RORA: variants seen among roughly 807,000 people sequenced by gnomAD.
RORA encodes the protein RAR related orphan receptor A.
RORA carries 7 observed loss-of-function variants against 69.5 expected under a neutral mutation model. The ratio of observed to expected loss-of-function variants is 0.10; its 90% CI spans 0.06 to 0.19. The LOEUF (loss-of-function observed/expected upper bound fraction) is 0.19, where lower values mean the gene tolerates loss of function less well. RORA is among the 10% of genes least tolerant of loss of function. The pLI, the probability that RORA is intolerant of heterozygous loss-of-function variation, is 1.00. For synonymous variants in RORA, 261 were observed against 240.8 expected, an observed-to-expected ratio of 1.08 and a Z score of -0.78; for missense variants, 457 against 663.0, an observed-to-expected ratio of 0.69 and a Z score of 3.41.
At chr15:60,558,313 CG>C (rs2067430569) in intron 2 of RORA, 2 of 1,598,822 alleles carry the variant, frequency 1.3e-6, no homozygotes, top group African/African-American at 2.7e-5. Flanking sequence ...ATCCCTGGAA[CG>C]AAAATGATAG....
chr15:61,186,836 C>A (rs2079748168), intron 1 of RORA, among the ~76,000 whole-genome samples: 1 of 152,162 alleles, frequency 6.6e-6, no homozygotes, highest in African/African-American at 2.4e-5. Context: ...GCCCTGCTTG[C>A]CCTTCGGGCT....
chr15:60,762,419 T>A (rs1316034770), intron 1 of RORA, among the ~76,000 whole-genome samples: 1 of 152,186 alleles, frequency 6.6e-6, no homozygotes, highest in Admixed American at 6.5e-5. Context: ...TGTGCTGTAT[T>A]TCTATCAAAC....
intron 1 of RORA, among the ~76,000 whole-genome samples, chr15:61,202,101 A>G (rs1050081795): frequency 4.6e-5 from 7 of 150,548 alleles, no homozygotes; most frequent in Non-Finnish European, 1.5e-5. Flanking sequence ...TCCGCCTCCC[A>G]GGTTCAAGCG....
In RORA at chr15:61,132,535, A is replaced by T. The variant is rs2079200119; in HGVS notation, c.166+96518T>A. Among the ~76,000 whole-genome samples, 4 of 152,350 alleles carry T rather than the reference A, an allele frequency of 2.6e-5. No individual in the cohort carries two copies. In the South Asian group the frequency reaches 8.3e-4, roughly 32 times the overall value. On this transcript the variant is annotated intron_variant, in intron 1 of 10. Transcript: ENST00000335670. ...ATAGTAATCACAAGATACTTTAATA[A>T]GTAAGGTCAAAAGATAAATAATGAA...
chr15:61,080,117 G>A (rs184167163), intron 1 of RORA, among the ~76,000 whole-genome samples: 8 of 152,314 alleles, frequency 5.3e-5, no homozygotes, highest in African/African-American at 1.9e-4. Context: ...AAGCTGTTGA[G>A]TTATTCAGAG....
chr15:61,167,525 G>C (rs1477149553), intron 1 of RORA, among the ~76,000 whole-genome samples: 1 of 104,886 alleles, frequency 9.5e-6, no homozygotes, highest in Non-Finnish European at 1.8e-5. Flanking sequence ...TTTTTTTTAT[G>C]AAGAAATTTC....
chr15:60,786,646 C>T (rs1042911248), intron 1 of RORA, among the ~76,000 whole-genome samples: 1 of 152,216 alleles, frequency 6.6e-6, no homozygotes, highest in Non-Finnish European at 1.5e-5. Flanking sequence ...TCGTGATGCA[C>T]AGAGACCCAG....
At chr15:60,720,324 C>T (rs992430293) in intron 1 of RORA, among the ~76,000 whole-genome samples, 6 of 152,162 alleles carry the variant, frequency 3.9e-5, no homozygotes, top group African/African-American at 1.2e-4. Flanking sequence ...GACGGCAAGA[C>T]GGCATGCGAG....
chr15:61,051,181 G>T (rs1476898900), intron 1 of RORA, among the ~76,000 whole-genome samples: 1 of 152,236 alleles, frequency 6.6e-6, no homozygotes, highest in Non-Finnish European at 1.5e-5. Flanking sequence ...AGAAGGAAGA[G>T]GGGAGTGAGG....
rs1310095251 is a variant in RORA, at chr15:60,488,697, A to T, written c.*8758T>A. On this transcript the variant is annotated 3_prime_UTR_variant, in exon 11 of 11. Coordinates refer to ENST00000335670, the MANE Select transcript of RORA (RefSeq NM_134261.3). The stretch of plus-strand genomic sequence containing the variant: ...ATGGCTTGCATTTTTAGTGTGGCAG[A>T]AAAGGAGTTTTTACATACTGTACAC... The T allele has an allele frequency of 6.6e-6, 1 of 152,248 alleles. No homozygotes were observed. Among genetic ancestry groups the T allele is most frequent in the Non-Finnish European group, 1.5e-5 (1 of 68,052 alleles). The allele number at this position is 152,248 out of a possible 1,614,324, so 9.4% of individuals were successfully genotyped here. A position where few individuals can be genotyped will look rare whatever the true frequency, so the allele number is the denominator to read the frequency against.
chr15:60,854,276 A>C (rs1262108090), intron 1 of RORA, among the ~76,000 whole-genome samples: 1 of 152,154 alleles, frequency 6.6e-6, no homozygotes, highest in African/African-American at 2.4e-5. Context: ...TAAATAAATA[A>C]ATAAAAATAA....
Position 60,511,113 on chromosome 15 carries a change from G to A in RORA, c.820+113C>T, listed in dbSNP as rs2065683891. 8.2e-7 allele frequency: 1 copy of A among 1,221,206 alleles called. No individual in the cohort carries two copies. The highest frequency in any genetic ancestry group is 1.5e-5 in the South Asian group (1 of 66,652). The allele number at this position is 1,221,206 out of a possible 1,614,324, so 75.6% of individuals were successfully genotyped here. On this transcript the variant is annotated intron_variant, in intron 5 of 10. Coordinates refer to ENST00000335670, the MANE Select transcript of RORA (RefSeq NM_134261.3). This position sits in a 1 kb window ranked among gnomAD's most constrained non-coding sequence, Gnocchi z 6.4. ...GGGCAGAAAATTAAGTGGCCCAAAT[G>A]GTAAAGGTGAATTGCATCATTTAGC...
At chr15:60,719,088 G>A (rs904321203) in intron 1 of RORA, among the ~76,000 whole-genome samples, 3 of 14,958 alleles carry the variant, frequency 2.0e-4, no homozygotes, top group African/African-American at 4.7e-4. Context: ...CAAAAGGCCT[G>A]ATGAAAACTG....
chr15:60,949,952 AAAG>A (rs1231036823), intron 1 of RORA, among the ~76,000 whole-genome samples: 1 of 152,224 alleles, frequency 6.6e-6, no homozygotes, highest in Non-Finnish European at 1.5e-5. Context: ...GGACATACTC[AAAG>A]AAGAACTTCC....
chr15:61,169,660 A>G (rs2079568447), intron 1 of RORA, among the ~76,000 whole-genome samples: 1 of 151,246 alleles, frequency 6.6e-6, no homozygotes, highest in Non-Finnish European at 1.5e-5. Context: ...AAAAAAAAAA[A>G]GCTTTCTTTT....
At chr15:61,112,678 G>A (rs745682496) in intron 1 of RORA, among the ~76,000 whole-genome samples, 3 of 152,216 alleles carry the variant, frequency 2.0e-5, no homozygotes. Context: ...TCTGTGCTAA[G>A]AACATGGTGG....
At chr15:60,527,556 A>G (rs1245427583) in intron 3 of RORA, among the ~76,000 whole-genome samples, 1 of 152,210 alleles carries the variant, frequency 6.6e-6, no homozygotes, top group Non-Finnish European at 1.5e-5. Context: ...CAAGGCTGAA[A>G]CTAAATTCTT....
At chr15:61,078,487 C>T (rs1347786433) in intron 1 of RORA, among the ~76,000 whole-genome samples, 1 of 152,192 alleles carries the variant, frequency 6.6e-6, no homozygotes, top group Non-Finnish European at 1.5e-5. Context: ...GCATGAGCTA[C>T]TGCACCTGGC....
intron 1 of RORA, among the ~76,000 whole-genome samples, chr15:61,055,153 A>G (rs1361450710): frequency 6.6e-6 from 1 of 151,960 alleles, no homozygotes; most frequent in Non-Finnish European, 1.5e-5. Flanking sequence ...ACAGTCTTGA[A>G]CTTATCTGGT....
Sources: allele counts gnomAD v4.1 joint callset (sites outside exome capture counted in the v4.1 genomes callset), GRCh38; gene constraint gnomAD v4.1.1; non-coding constraint Gnocchi (gnomAD v3.1); transcripts MANE v1.5; gene names NCBI Gene and HGNC (gene_info 2026-07-23, HGNC 2026-07-21).